PLPPR1: variants seen among roughly 807,000 people sequenced by gnomAD.
PLPPR1 encodes phospholipid phosphatase related 1, also known as phospholipid phosphatase-related protein type 1.
Under a neutral mutation model 33.1 loss-of-function variants are expected in PLPPR1, and 10 were observed. That is an observed-to-expected ratio of 0.30 (90% confidence interval 0.19 to 0.51). PLPPR1 has a LOEUF of 0.51. Ranked by LOEUF, PLPPR1 falls within the 20% of genes least tolerant of loss-of-function variation. The probability of loss-of-function intolerance (pLI) is 0.97; values close to 1 mark genes in which losing one functional copy is unlikely to be tolerated. For missense variants in PLPPR1, 304 were observed against 408.1 expected, an observed-to-expected ratio of 0.74 and a Z score of 2.20; for synonymous variants, 151 against 151.0, an observed-to-expected ratio of 1.00 and a Z score of 0.00.
intron 1 of PLPPR1, among the ~76,000 whole-genome samples, chr9:101,184,315 T>C (rs555432863): frequency 8.6e-5 from 13 of 151,310 alleles, no homozygotes; most frequent in African/African-American, 2.9e-4. Context: ...AAGTGAGGAG[T>C]TGATATCTCA....
chr9:101,263,205 G>T (rs1251306105), intron 2 of PLPPR1, among the ~76,000 whole-genome samples: 1 of 152,098 alleles, frequency 6.6e-6, no homozygotes, highest in Admixed American at 6.5e-5. Context: ...ACTCACCACT[G>T]AATCATTGTT....
chr9:101,238,431 A>G (rs1301025795), intron 2 of PLPPR1, among the ~76,000 whole-genome samples: 1 of 149,280 alleles, frequency 6.7e-6, no homozygotes, highest in African/African-American at 2.5e-5. Context: ...ATATGCACAC[A>G]ATGGAATACT....
At chr9:101,186,315 G>A (rs188146705) in intron 2 of PLPPR1, among the ~76,000 whole-genome samples, 76 of 151,856 alleles carry the variant, frequency 5.0e-4, no homozygotes, top group African/African-American at 1.7e-3. Context: ...AAAATAGGGC[G>A]TCTAGTGGAT....
chr9:101,246,876 C>T (rs530859809), intron 2 of PLPPR1, among the ~76,000 whole-genome samples: 69 of 152,168 alleles, frequency 4.5e-4, no homozygotes, highest in Admixed American at 9.8e-4. Context: ...CTGTCACCTG[C>T]ATGACTCAGC....
chr9:101,074,982 A>C (rs962965712), intron 1 of PLPPR1, among the ~76,000 whole-genome samples: 1 of 152,208 alleles, frequency 6.6e-6, no homozygotes, highest in African/African-American at 2.4e-5. Flanking sequence ...CAGAATTTGA[A>C]CCAAACATTA....
At chr9:101,322,868 A>G (rs1338232097) in intron 7 of PLPPR1, among the ~76,000 whole-genome samples, 1 of 152,188 alleles carries the variant, frequency 6.6e-6, no homozygotes, top group Non-Finnish European at 1.5e-5. Context: ...CACATGAAAC[A>G]TTATGAAAAT....
intron 7 of PLPPR1, among the ~76,000 whole-genome samples, chr9:101,318,626 T>G (rs918366159): frequency 5.3e-5 from 8 of 152,066 alleles, no homozygotes; most frequent in Middle Eastern, 3.4e-3. Flanking sequence ...ATACAAAAAT[T>G]AGCCCGGCAT....
intron 1 of PLPPR1, among the ~76,000 whole-genome samples, chr9:101,111,197 A>G (rs1831051741): frequency 6.6e-6 from 1 of 152,138 alleles, no homozygotes; most frequent in Non-Finnish European, 1.5e-5. Flanking sequence ...TATGTTTCCT[A>G]AGTACTCTCT....
intron 1 of PLPPR1, among the ~76,000 whole-genome samples, chr9:101,039,897 G>A (rs1014054090): frequency 2.7e-5 from 4 of 148,670 alleles, no homozygotes; most frequent in Non-Finnish European, 5.9e-5. Flanking sequence ...TTTTTGTGGG[G>A]ACACGGCCAA....
intron 3 of PLPPR1, among the ~76,000 whole-genome samples, chr9:101,277,298 A>G (rs962893266): frequency 6.6e-6 from 1 of 152,180 alleles, no homozygotes; most frequent in Non-Finnish European, 1.5e-5. Context: ...GAGTGTTAGA[A>G]TATCTAGAGT....
In PLPPR1 at chr9:101,190,442, C is replaced by G. The variant is rs1047951941; in HGVS notation, c.63+4885C>G. Among the ~76,000 whole-genome samples the G allele has an allele frequency of 2.0e-5, 3 of 152,078 alleles. No homozygotes were observed. The East Asian group carries it at 5.8e-4, about 29-fold the overall frequency. On this transcript the variant is annotated intron_variant, in intron 2 of 7. Transcript: ENST00000374874. ...ATAGAGCCGGGACTGTTGGGCCATG[C>G]TTGAAATGTGTGTGACAGATCCAGG...
At chr9:101,040,784 G>A (rs543330677) in intron 1 of PLPPR1, among the ~76,000 whole-genome samples, 5 of 151,944 alleles carry the variant, frequency 3.3e-5, no homozygotes, top group East Asian at 1.9e-4. Flanking sequence ...ATTTGTGACC[G>A]GCCTCCTTCT....
chr9:101,309,490 G>A (rs1828918167), intron 5 of PLPPR1, 29 bp downstream of exon 5: 1 of 1,605,968 alleles, frequency 6.2e-7, no homozygotes, highest in Non-Finnish European at 8.5e-7. Context: ...TCTCTCCTAA[G>A]TCCAGTTTTT....
intron 1 of PLPPR1, among the ~76,000 whole-genome samples, chr9:101,082,688 T>C (rs1049611247): frequency 1.4e-4 from 21 of 152,226 alleles, no homozygotes; most frequent in African/African-American, 5.1e-4. Context: ...GTATACTGAT[T>C]ATTTATTTGG....
intron 1 of PLPPR1, among the ~76,000 whole-genome samples, chr9:101,113,631 C>A (rs200554903): frequency 2.0e-5 from 3 of 147,262 alleles, no homozygotes; most frequent in South Asian, 4.4e-4. Flanking sequence ...ACAGAAAAAA[C>A]AAAAAAACAA....
At chr9:101,112,338 A>C (rs1284109781) in intron 1 of PLPPR1, among the ~76,000 whole-genome samples, 1 of 152,214 alleles carries the variant, frequency 6.6e-6, no homozygotes, top group Non-Finnish European at 1.5e-5. Context: ...AGGAAATAAA[A>C]GTTTATTTTC....
chr9:101,057,032 A>T (rs1412647999), intron 1 of PLPPR1, among the ~76,000 whole-genome samples: 1 of 152,090 alleles, frequency 6.6e-6, no homozygotes, highest in Non-Finnish European at 1.5e-5. Context: ...ACAAGATAAT[A>T]CGCCAAACAT....
chr9:101,316,730 A>T (rs1307197224), intron 6 of PLPPR1, among the ~76,000 whole-genome samples: 3 of 152,178 alleles, frequency 2.0e-5, no homozygotes, highest in Admixed American at 6.5e-5. Context: ...AAGCGATAAA[A>T]GAAAACTCAA....
chr9:101,243,555 G>T (rs1381231270), intron 2 of PLPPR1, among the ~76,000 whole-genome samples: 2 of 152,038 alleles, frequency 1.3e-5, no homozygotes, highest in South Asian at 4.1e-4. Flanking sequence ...TAACTGTATA[G>T]ATAGTTGTCT....
Sources: gnomAD v4.1 joint callset for allele counts (sites outside exome capture counted in the v4.1 genomes callset) on GRCh38, gnomAD v4.1.1 for gene constraint, MANE v1.5 for transcripts, NCBI Gene and HGNC (gene_info 2026-07-23, HGNC 2026-07-21) for gene names.